The following ARSJ variants were observed in gnomAD, a reference collection of about 807,000 sequenced individuals.
The protein encoded by ARSJ is arylsulfatase family member J.
Under a neutral mutation model 35.9 loss-of-function variants are expected in ARSJ, and 26 were observed. That is an observed-to-expected ratio of 0.72 (90% CI 0.53 to 1.00). The LOEUF (loss-of-function observed/expected upper bound fraction) is 1.00, where lower values mean the gene tolerates loss of function less well. Among genes scored for constraint, ARSJ ranks in the 50% least tolerant of loss-of-function variants. The pLI is 0.00. For synonymous variants in ARSJ, 294 were observed against 267.6 expected (o/e 1.10, Z -0.96); for missense variants, 667 against 723.6 (o/e 0.92, Z 0.90).
intron 1 of ARSJ, among the ~76,000 whole-genome samples, chr4:113,940,518 C>T (rs770300799): frequency 9.9e-5 from 15 of 151,232 alleles, no homozygotes; most frequent in Non-Finnish European, 1.6e-4. Flanking sequence ...AGGAGAGCAA[C>T]AGCAAAAAAT....
rs558025200 is a variant in ARSJ at position 113,917,855 on chromosome 4, A to G, written c.399-14180T>C. Among the ~76,000 whole-genome samples the G allele has an allele frequency of 2.6e-5, 4 of 152,332 alleles. No individual in the cohort carries two copies. In the South Asian group the frequency reaches 6.2e-4, roughly 24 times the overall value. On this transcript the variant is annotated intron_variant, in intron 1 of 1. Transcript: ENST00000315366. ...CCATTTCAAAGAATTTCTATGCCTC[A>G]GTTTCCTAATTTGCATGAAATGGGA...
intron 1 of ARSJ, among the ~76,000 whole-genome samples, chr4:113,920,669 T>C (rs1411251174): frequency 6.6e-6 from 1 of 152,106 alleles, no homozygotes; most frequent in Non-Finnish European, 1.5e-5. Flanking sequence ...GCATGTCTCT[T>C]TGGAGGCTGA....
intron 1 of ARSJ, among the ~76,000 whole-genome samples, chr4:113,941,906 A>G: frequency 6.6e-6 from 1 of 152,018 alleles, no homozygotes; most frequent in East Asian, 1.9e-4. Context: ...TTAGAAAGTG[A>G]AAACATGTAA....
intron 1 of ARSJ, among the ~76,000 whole-genome samples, chr4:113,906,918 C>A (rs2099668914): frequency 6.6e-6 from 1 of 152,126 alleles, no homozygotes; most frequent in Admixed American, 6.5e-5. Context: ...TTTTTATATG[C>A]ATTATTGCAT....
Position 113,901,160 on chromosome 4 carries a change from C to G in ARSJ, c.*1114G>C, listed in dbSNP as rs2099666922. 1 of 151,966 alleles carries G rather than the reference C, an allele frequency of 6.6e-6. No homozygotes were observed. Among genetic ancestry groups the G allele is most frequent in the Admixed American group, 6.6e-5 (1 of 15,260 alleles). The allele number at this position is 151,966 out of a possible 1,614,324, so 9.4% of individuals were successfully genotyped here. On this transcript the variant is annotated 3_prime_UTR_variant, in exon 2 of 2. Transcript: ENST00000315366. ...ATACAATTTTAGCTAGAAGTTAGAT[C>G]AGAAAAGCCACAGTAAATTTTCTAG...
At chr4:113,966,905 A>G (rs919042877) in intron 1 of ARSJ, among the ~76,000 whole-genome samples, 12 of 152,086 alleles carry the variant, frequency 7.9e-5, no homozygotes, top group Non-Finnish European at 1.2e-4. Context: ...TTTCTCATCT[A>G]TGGCTGGTCC....
At chr4:113,958,575 T>C (rs1726339957) in intron 1 of ARSJ, among the ~76,000 whole-genome samples, 1 of 152,042 alleles carries the variant, frequency 6.6e-6, no homozygotes, top group Non-Finnish European at 1.5e-5. Flanking sequence ...ACATCATAGA[T>C]TGGTTATTTT....
intron 1 of ARSJ, among the ~76,000 whole-genome samples, chr4:113,928,760 A>G (rs1399860727): frequency 1.3e-5 from 2 of 152,176 alleles, no homozygotes; most frequent in Non-Finnish European, 2.9e-5. Flanking sequence ...GAGCAATTAC[A>G]GGGCTCTTCA....
In ARSJ at chr4:113,927,840, A is replaced by C. The variant is rs549027588; in HGVS notation, c.399-24165T>G. Among the ~76,000 whole-genome samples, 312 of 152,234 alleles carry C rather than the reference A, an allele frequency of 2.0e-3. 13 individuals carry two copies. The South Asian group carries it at 0.062, about 30-fold the overall frequency. On this transcript the variant is annotated intron_variant, in intron 1 of 1. Coordinates refer to ENST00000315366, the MANE Select transcript of ARSJ (RefSeq NM_024590.4). ...CTTTCAAGTCCTTGATGGTGACACT[A>C]ATCTCTGCAATCCATCCAGGGATAC...
intron 1 of ARSJ, among the ~76,000 whole-genome samples, chr4:113,916,829 C>A (rs1407239050): frequency 1.3e-5 from 2 of 152,096 alleles, no homozygotes; most frequent in Non-Finnish European, 2.9e-5. Context: ...TCACAGTGCT[C>A]TATGGGGAGA....
chr4:113,925,004 G>A (rs557913767), intron 1 of ARSJ, among the ~76,000 whole-genome samples: 2 of 152,182 alleles, frequency 1.3e-5, no homozygotes, highest in African/African-American at 4.8e-5. Flanking sequence ...CCGGGATTGG[G>A]CTGTTGTAGT....
intron 1 of ARSJ, among the ~76,000 whole-genome samples, chr4:113,926,124 T>C (rs570912659): frequency 1.7e-4 from 26 of 152,278 alleles, no homozygotes; most frequent in Middle Eastern, 3.4e-3. Context: ...AGGTCACCTA[T>C]TGGTGAGCAC....
At position 113,904,494 on chromosome 4, in the gene ARSJ, C is replaced by CT. The variant is rs980006094; in HGVS notation, c.399-820dup. Among the ~76,000 whole-genome samples the CT allele has an allele frequency of 1.9e-4, 29 of 151,866 alleles. 1 individual carries two copies. Among genetic ancestry groups the CT allele is most frequent in the African/African-American group, 4.8e-4 (20 of 41,424 alleles). On this transcript the variant is annotated intron_variant, in intron 1 of 1. Transcript: ENST00000315366. ...TTTGATTGTAAAACAATAGTTCATT[C>CT]TTTTTTTTGAGACGGAGTCTCGCTC...
intron 1 of ARSJ, among the ~76,000 whole-genome samples, chr4:113,925,741 G>T (rs1316949981): frequency 6.6e-6 from 1 of 152,194 alleles, no homozygotes; most frequent in East Asian, 1.9e-4. Flanking sequence ...CAGAAGCATT[G>T]TGTGCAGGAT....
chr4:113,946,532 A>G (rs1388911527), intron 1 of ARSJ: 1 of 147,914 alleles, frequency 6.8e-6, no homozygotes, highest in African/African-American at 2.5e-5. Context: ...GTAAAAAAGG[A>G]AAAAAAAAAA....
chr4:113,950,377 T>C (rs1725783690), intron 1 of ARSJ, among the ~76,000 whole-genome samples: 1 of 152,102 alleles, frequency 6.6e-6, no homozygotes, highest in South Asian at 2.1e-4. Flanking sequence ...GGAAAAGCTA[T>C]TCCTAGCATA....
At chr4:113,921,522 T>C (rs149477950) in intron 1 of ARSJ, among the ~76,000 whole-genome samples, 1 of 152,296 alleles carries the variant, frequency 6.6e-6, no homozygotes, top group Non-Finnish European at 1.5e-5. Context: ...ATAAGGAATG[T>C]AACCTTTAAC....
chr4:113,933,308 C>CA (rs1209652296), intron 1 of ARSJ, among the ~76,000 whole-genome samples: 9 of 151,390 alleles, frequency 5.9e-5, no homozygotes, highest in South Asian at 2.1e-4. Flanking sequence ...TAAAAATCTT[C>CA]AAAAAAAATT....
chr4:113,911,693 G>A (rs1311371793), intron 1 of ARSJ, among the ~76,000 whole-genome samples: 1 of 152,146 alleles, frequency 6.6e-6, no homozygotes, highest in African/African-American at 2.4e-5. Context: ...AAAGGGATAG[G>A]AATAAATAGG....
Sources: allele counts gnomAD v4.1 joint callset (sites outside exome capture counted in the v4.1 genomes callset), GRCh38; gene constraint gnomAD v4.1.1; transcripts MANE v1.5; gene names NCBI Gene and HGNC (gene_info 2026-07-23, HGNC 2026-07-21).